Variants in SLIT3 observed in about 807,000 individuals in gnomAD.
SLIT3 encodes the protein slit guidance ligand 3.
In SLIT3, 68 loss-of-function variants were observed where a neutral mutation model predicts 184.0. That is an observed-to-expected ratio of 0.37 (90% CI 0.30 to 0.45). SLIT3 has a LOEUF of 0.45. SLIT3 is among the 20% of genes least tolerant of loss of function. The pLI is 1.00. For synonymous variants in SLIT3, 831 were observed against 828.6 expected (o/e 1.00, Z -0.05); for missense variants, 1,707 against 2,026.0 (o/e 0.84, Z 3.02).
chr5:169,155,390 A>ATT (rs1379102166), intron 4 of SLIT3, among the ~76,000 whole-genome samples: 1 of 152,188 alleles, frequency 6.6e-6, no homozygotes, highest in Admixed American at 6.5e-5. Flanking sequence ...ATGCAACATC[A>ATT]TGCATAATTT....
intron 3 of SLIT3, among the ~76,000 whole-genome samples, chr5:169,195,251 C>G (rs1032282016): frequency 3.3e-5 from 5 of 152,186 alleles, no homozygotes; most frequent in Non-Finnish European, 7.3e-5. Context: ...CATTTCCCCC[C>G]TTTCTTCCTA....
chr5:169,107,997 C>T (rs1479120203), intron 4 of SLIT3, among the ~76,000 whole-genome samples: 1 of 152,200 alleles, frequency 6.6e-6, no homozygotes, highest in Non-Finnish European at 1.5e-5. Flanking sequence ...CTCATTTTGA[C>T]TGTTACTTCC....
chr5:169,039,613 G>A (rs72826570), intron 4 of SLIT3, among the ~76,000 whole-genome samples: 1,529 of 152,092 alleles, frequency 0.01, 10 homozygotes, highest in Non-Finnish European at 0.013. Flanking sequence ...CACTTCACCC[G>A]GCCAGGAGTT....
intron 4 of SLIT3, among the ~76,000 whole-genome samples, chr5:169,097,040 C>T (rs1340379783): frequency 1.3e-5 from 2 of 152,152 alleles, no homozygotes; most frequent in Non-Finnish European, 1.5e-5. Context: ...GGACCATTTC[C>T]CCAGGAATAT....
intron 4 of SLIT3, among the ~76,000 whole-genome samples, chr5:169,190,217 T>C (rs1322150738): frequency 6.6e-6 from 1 of 152,244 alleles, no homozygotes; most frequent in African/African-American, 2.4e-5. Flanking sequence ...AATCAGTGTC[T>C]ACCCTCAGTT....
intron 6 of SLIT3, among the ~76,000 whole-genome samples, chr5:168,837,464 G>C (rs553664442): frequency 2.0e-5 from 3 of 152,208 alleles, no homozygotes; most frequent in Non-Finnish European, 2.9e-5. Flanking sequence ...CATTTAGCCA[G>C]AGAAATGCAA....
chr5:168,779,506 C>A (rs1755893132), intron 12 of SLIT3, among the ~76,000 whole-genome samples: 1 of 152,196 alleles, frequency 6.6e-6, no homozygotes. Context: ...CCCTCTGCCA[C>A]CCCCTTCCTT....
At chr5:168,799,264 A>C (rs1363849663) in intron 9 of SLIT3, among the ~76,000 whole-genome samples, 1 of 152,214 alleles carries the variant, frequency 6.6e-6, no homozygotes, top group Non-Finnish European at 1.5e-5. Flanking sequence ...AAAAAGAAGC[A>C]TTTGCATCAG....
chr5:168,968,284 G>A (rs1175068252), intron 4 of SLIT3, among the ~76,000 whole-genome samples: 9 of 152,218 alleles, frequency 5.9e-5, no homozygotes, highest in East Asian at 1.9e-4. Flanking sequence ...CCAACACAAC[G>A]TGTAAATCTT....
chr5:169,108,151 G>A (rs191500916), intron 4 of SLIT3, among the ~76,000 whole-genome samples: 2 of 152,334 alleles, frequency 1.3e-5, no homozygotes, highest in East Asian at 3.9e-4. Context: ...GTAGCACCCA[G>A]TAGCTACTCA....
At chr5:168,756,286 G>A (rs1301115155) in intron 16 of SLIT3, among the ~76,000 whole-genome samples, 1 of 152,228 alleles carries the variant, frequency 6.6e-6, no homozygotes, top group African/African-American at 2.4e-5. Context: ...AATGCCAGGG[G>A]GCGAGAACTC....
At chr5:168,951,272 G>A (rs1162887636) in intron 4 of SLIT3, among the ~76,000 whole-genome samples, 1 of 152,196 alleles carries the variant, frequency 6.6e-6, no homozygotes, top group Non-Finnish European at 1.5e-5. Context: ...GTGAGTTATA[G>A]TGCATCTTAT....
chr5:168,805,200 G>C (rs1350821805), intron 9 of SLIT3, among the ~76,000 whole-genome samples: 1 of 152,130 alleles, frequency 6.6e-6, no homozygotes, highest in African/African-American at 2.4e-5. Context: ...AACAATGACA[G>C]GAAAATAGTG....
intron 4 of SLIT3, among the ~76,000 whole-genome samples, chr5:168,910,603 G>A (rs1213468479): frequency 2.6e-5 from 4 of 152,016 alleles, no homozygotes; most frequent in Non-Finnish European, 5.9e-5. Context: ...AAAATTAGCC[G>A]CGTGTGGTGG....
At chr5:168,724,244 A>G (rs575748104) in intron 21 of SLIT3, among the ~76,000 whole-genome samples, 172 bp downstream of exon 21, 190 of 152,266 alleles carry the variant, frequency 1.2e-3, no homozygotes, top group South Asian at 2.1e-3. Flanking sequence ...TTCATTCTGC[A>G]AGATCTCCCA....
At chr5:169,261,729 A>G (rs1371862788) in intron 1 of SLIT3, among the ~76,000 whole-genome samples, 1 of 152,150 alleles carries the variant, frequency 6.6e-6, no homozygotes, top group Non-Finnish European at 1.5e-5. Context: ...GGTGGTCCCC[A>G]GTATCAACAC....
At chr5:168,829,713 T>C (rs1164364755) in intron 6 of SLIT3, among the ~76,000 whole-genome samples, 1 of 152,170 alleles carries the variant, frequency 6.6e-6, no homozygotes, top group Non-Finnish European at 1.5e-5. Flanking sequence ...TACAGTGAAT[T>C]AACAGAGGTG....
intron 4 of SLIT3, among the ~76,000 whole-genome samples, chr5:169,122,433 A>C (rs527691216): frequency 2.0e-5 from 3 of 152,248 alleles, no homozygotes; most frequent in African/African-American, 7.2e-5. Flanking sequence ...TGGTACCTGG[A>C]GTATTTTTTG....
At chr5:168,965,603 A>G (rs1277699403) in intron 4 of SLIT3, among the ~76,000 whole-genome samples, 1 of 152,236 alleles carries the variant, frequency 6.6e-6, no homozygotes, top group Admixed American at 6.5e-5. Context: ...TTGCTCATCC[A>G]AAATGAACTT....
Sources: gnomAD v4.1 joint callset for allele counts (sites outside exome capture counted in the v4.1 genomes callset) on GRCh38, gnomAD v4.1.1 for gene constraint, MANE v1.5 for transcripts, NCBI Gene and HGNC (gene_info 2026-07-23, HGNC 2026-07-21) for gene names.